PTPN11: variants seen among roughly 807,000 people sequenced by gnomAD.
PTPN11 encodes the protein tyrosine-protein phosphatase non-receptor type 11.
A neutral mutation model predicts 78.8 loss-of-function variants in PTPN11; 6 were observed. That is an observed-to-expected ratio of 0.08 (90% CI 0.04 to 0.15). The LOEUF is 0.15. PTPN11 is among the 10% of genes least tolerant of loss of function. PTPN11 has a pLI of 1.00. For synonymous variants in PTPN11, 221 were observed against 263.5 expected (o/e 0.84, Z 1.56); for missense variants, 386 against 744.8 (o/e 0.52, Z 5.61).
intron 6 of PTPN11, among the ~76,000 whole-genome samples, chr12:112,472,632 A>G (rs558688769): frequency 6.0e-5 from 9 of 149,934 alleles, no homozygotes; most frequent in African/African-American, 9.8e-5. Flanking sequence ...TCACCCTCCC[A>G]CGTAGCTGGG....
At chr12:112,446,091 T>C (rs1314474658) in intron 1 of PTPN11, among the ~76,000 whole-genome samples, 185 bp from the exon 2 acceptor site, 1 of 152,066 alleles carries the variant, frequency 6.6e-6, no homozygotes, top group Admixed American at 6.6e-5. Flanking sequence ...CCCAGGTCTC[T>C]ACCAAGGGAA....
At chr12:112,426,882 C>T (rs970459727) in intron 1 of PTPN11, among the ~76,000 whole-genome samples, 4 of 152,108 alleles carry the variant, frequency 2.6e-5, no homozygotes, top group African/African-American at 4.8e-5. Context: ...ACCTATCCTC[C>T]CTCCTTGGCC....
At chr12:112,471,454 AAG>A (rs56070053) in intron 6 of PTPN11, among the ~76,000 whole-genome samples, 5,630 of 126,176 alleles carry the variant, frequency 0.045, 134 homozygotes, top group South Asian at 0.085. Flanking sequence ...GATAAACAGA[AAG>A]AGAGAGAGAG....
intron 1 of PTPN11, among the ~76,000 whole-genome samples, chr12:112,426,224 G>A (rs10129047): frequency 0.04 from 6,135 of 152,216 alleles, 269 homozygotes; most frequent in African/African-American, 0.11. Context: ...GATTTCGGGT[G>A]TGATTTCCTG....
At chr12:112,463,633 T>C (rs1315619455) in intron 6 of PTPN11, among the ~76,000 whole-genome samples, 4 of 152,312 alleles carry the variant, frequency 2.6e-5, no homozygotes, top group African/African-American at 7.2e-5. Context: ...ACATCTCAAA[T>C]TGTGGTCATC....
At chr12:112,460,882 C>G (rs969988448) in intron 6 of PTPN11, among the ~76,000 whole-genome samples, 2 of 152,006 alleles carry the variant, frequency 1.3e-5, no homozygotes. Context: ...TCTTAGAATA[C>G]TTTGATGCCC....
chr12:112,491,065 G>A (rs2038739064), intron 13 of PTPN11, among the ~76,000 whole-genome samples: 1 of 151,960 alleles, frequency 6.6e-6, no homozygotes, highest in Non-Finnish European at 1.5e-5. Flanking sequence ...AAGGATCAGT[G>A]AAAAAAAGGA....
At chr12:112,503,732 T>C (rs938591226) in intron 14 of PTPN11, among the ~76,000 whole-genome samples, 7 of 152,306 alleles carry the variant, frequency 4.6e-5, no homozygotes, top group African/African-American at 1.7e-4. Flanking sequence ...GTGGCATGCC[T>C]GTGACAGACA....
intron 13 of PTPN11, among the ~76,000 whole-genome samples, chr12:112,497,238 C>G (rs2135924827): frequency 6.6e-6 from 1 of 151,906 alleles, no homozygotes; most frequent in Admixed American, 6.6e-5. Context: ...ATTGCACAGG[C>G]TGAATCTGAG....
Position 112,502,910 on chromosome 12 carries a change from T to C in PTPN11, c.1712+654T>C, listed in dbSNP as rs550978106. Among the ~76,000 whole-genome samples the C allele has an allele frequency of 1.1e-4, 17 of 152,348 alleles. 1 individual carries two copies. The South Asian group carries it at 3.3e-3, about 30-fold the overall frequency. On this transcript the variant is annotated intron_variant, in intron 14 of 15. Transcript: ENST00000351677. ...AACAAAGGAAGGTCATATGTCTTAA[T>C]GATGTGTTAAGGCTCTTTGCAAAAT...
intron 4 of PTPN11, among the ~76,000 whole-genome samples, chr12:112,454,352 T>G (rs1202909278): frequency 6.6e-6 from 1 of 152,172 alleles, no homozygotes; most frequent in African/African-American, 2.4e-5. Context: ...ACTCCTGACC[T>G]CAAATGATCT....
rs1452055543 is a variant in PTPN11, at chr12:112,486,472, C to T, written c.1225-3C>T. On this transcript the variant is annotated splice_polypyrimidine_tract_variant and splice_region_variant and intron_variant, in intron 10 of 15. Transcript: ENST00000351677. Reference sequence around the variant, plus strand: ...TTTCTGGTTTTTCTTGGCTCTACTCCAGGGGAATACGGAGAGAACGGTCTG... The same window carrying T: ...TTTCTGGTTTTTCTTGGCTCTACTCTAGGGGAATACGGAGAGAACGGTCTG... 1 of 1,613,450 alleles carries T rather than the reference C, an allele frequency of 6.2e-7. No homozygotes were observed. Among genetic ancestry groups the T allele is most frequent in the African/African-American group, 1.3e-5 (1 of 74,910 alleles).
intron 13 of PTPN11, among the ~76,000 whole-genome samples, chr12:112,498,533 A>G (rs947736979): frequency 2.0e-5 from 3 of 152,198 alleles, no homozygotes; most frequent in African/African-American, 7.2e-5. Flanking sequence ...GTTACTTAAC[A>G]TGGAAAGATA....
At chr12:112,479,857 C>T (rs2038567548) in intron 9 of PTPN11, among the ~76,000 whole-genome samples, 1 of 152,148 alleles carries the variant, frequency 6.6e-6, no homozygotes, top group Admixed American at 6.5e-5. Context: ...CCACCATGTC[C>T]TACTCTCTGC....
chr12:112,508,002 C>T lies in PTPN11; in HGVS notation c.*2210C>T, dbSNP rs959243450. Reference sequence around the variant, plus strand: ...TGCTGTTCTTTTTATCGCATTGTTACATCGACTCATTCTCCATTTTGCTTT... The same window carrying T: ...TGCTGTTCTTTTTATCGCATTGTTATATCGACTCATTCTCCATTTTGCTTT... On this transcript the variant is annotated 3_prime_UTR_variant, in exon 16 of 16. Coordinates refer to ENST00000351677, the MANE Select transcript of PTPN11 (RefSeq NM_002834.5). 2.6e-5 allele frequency: 4 copies of T among 152,626 alleles called. No individual in the cohort carries two copies. Among genetic ancestry groups the T allele is most frequent in the African/African-American group, 9.6e-5 (4 of 41,456 alleles). 9.5% of individuals were successfully genotyped at this position (152,626 alleles called of 1,614,324 possible).
chr12:112,471,462 G>A (rs1286449961), intron 6 of PTPN11, among the ~76,000 whole-genome samples: 1 of 148,830 alleles, frequency 6.7e-6, no homozygotes, highest in Non-Finnish European at 1.5e-5. Flanking sequence ...GAAAGAGAGA[G>A]AGAGAGAGAG....
chr12:112,453,422 T>C (rs1274734474), intron 4 of PTPN11, 35 bp downstream of exon 4: 1 of 1,590,676 alleles, frequency 6.3e-7, no homozygotes, highest in Non-Finnish European at 8.6e-7. Context: ...TCTGGCAAGA[T>C]GTTACCTTTG....
intron 3 of PTPN11, among the ~76,000 whole-genome samples, chr12:112,451,977 G>T (rs1337213996): frequency 6.6e-6 from 1 of 151,984 alleles, no homozygotes; most frequent in Non-Finnish European, 1.5e-5. Flanking sequence ...CCAGATTCAA[G>T]TAATTCTCTT....
chr12:112,465,420 CAAA>C (rs78570969), intron 6 of PTPN11, among the ~76,000 whole-genome samples: 3 of 90,754 alleles, frequency 3.3e-5, no homozygotes, highest in Admixed American at 1.2e-4. Context: ...GAGTGTATCA[CAAA>C]AAAAAAAAAA....
Sources: gnomAD v4.1 joint callset for allele counts (sites outside exome capture counted in the v4.1 genomes callset) on GRCh38, gnomAD v4.1.1 for gene constraint, MANE v1.5 for transcripts, NCBI Gene and HGNC (gene_info 2026-07-23, HGNC 2026-07-21) for gene names.